Variants in TTC16 observed in about 807,000 individuals in gnomAD.
TTC16 encodes the protein tetratricopeptide repeat domain 16.
A neutral mutation model predicts 80.4 loss-of-function variants in TTC16; 66 were observed. The observed-to-expected ratio is 0.82, with a 90% CI of 0.67 to 1.01. The LOEUF (loss-of-function observed/expected upper bound fraction) is 1.01, where lower values mean the gene tolerates loss of function less well. TTC16 is among the 50% of genes least tolerant of loss of function. The pLI, the probability that TTC16 is intolerant of heterozygous loss-of-function variation, is 0.00. For synonymous variants in TTC16, 438 were observed against 451.3 expected (o/e 0.97, Z 0.37); for missense variants, 1,070 against 1,103.2 (o/e 0.97, Z 0.43).
rs1311682338 is a variant in TTC16, at chr9:127,717,422, C to T, written c.280C>T (p.Leu94=). The T allele has an allele frequency of 1.2e-6, 2 of 1,611,934 alleles. No homozygotes were observed. Among genetic ancestry groups the T allele is most frequent in the African/African-American group, 2.7e-5 (2 of 75,040 alleles). The change falls in exon 3 of 14, where the codon CTG becomes TTG. Residue 94 remains leucine (L), a splice_region_variant and synonymous_variant. Coordinates refer to ENST00000373289, the MANE Select transcript of TTC16 (RefSeq NM_144965.3). Reference sequence around the variant, plus strand: ...CCGCGCACTCCACCTGGACCCACAGCTGGTGAGAGGCAGACCTGGGTGGGC... The same window carrying T: ...CCGCGCACTCCACCTGGACCCACAGTTGGTGAGAGGCAGACCTGGGTGGGC... The part of the protein sequence containing the change: ...FSRALHLDPQ[L]VDFYALRAEA...
At position 127,731,225 on chromosome 9, in the gene TTC16, C is replaced by T. The variant is rs1844394802; in HGVS notation, c.2442C>T (p.Ser814=). 6.2e-7 allele frequency: 1 copy of T among 1,613,012 alleles called. No individual in the cohort carries two copies. The highest frequency in any genetic ancestry group is 1.3e-5 in the African/African-American group (1 of 74,932). ...AGGCTTTCTATGACTCAAACTGGAG[C>T]CTCAGCAAAACTGAGTATGCCCAAG... ...KTEAFYDSNW[S]LSKTEYAQGQ... is the part of the protein sequence containing the mutation. Residue 814 remains serine (S), a synonymous_variant, in exon 14 of 14, where the codon AGC becomes AGT. Transcript: ENST00000373289.
At chr9:127,720,464 A>G (rs1843362214) in intron 6 of TTC16, 69 bp downstream of exon 6, 1 of 1,592,302 alleles carries the variant, frequency 6.3e-7, no homozygotes, top group African/African-American at 1.3e-5. Context: ...CCAAGATTGC[A>G]GGAAGAGGCA....
chr9:127,726,542 C>T, intron 10 of TTC16, 138 bp downstream of exon 10: 2 of 1,058,892 alleles, frequency 1.9e-6, no homozygotes, highest in East Asian at 5.8e-5. Context: ...AATCCCAGCA[C>T]TTTGGGAGCC....
intron 13 of TTC16, chr9:127,730,324 G>A (rs902472462): frequency 5.4e-5 from 23 of 423,928 alleles, no homozygotes; most frequent in Non-Finnish European, 8.5e-5. Flanking sequence ...GCAGGAGGGT[G>A]CCAGGCGGGG....
chr9:127,720,981 CCTTT>C (rs1171729936), intron 6 of TTC16, among the ~76,000 whole-genome samples: 12 of 126,566 alleles, frequency 9.5e-5, no homozygotes. Flanking sequence ...CCTCCCTCTT[CCTTT>C]CTTTTTTCCT....
intron 13 of TTC16, 145 bp from the exon 14 acceptor site, chr9:127,730,491 G>C: frequency 7.9e-7 from 1 of 1,266,006 alleles, no homozygotes; most frequent in Non-Finnish European, 1.1e-6. Context: ...TGGGGGCTGG[G>C]CGGGGGTGAT....
intron 12 of TTC16, 26 bp downstream of exon 12, chr9:127,727,491 G>A (rs528052507): frequency 1.4e-5 from 21 of 1,550,202 alleles, no homozygotes; most frequent in African/African-American, 9.6e-5. Flanking sequence ...GCCAGGGCTC[G>A]GAGCCCTTGG....
chr9:127,720,447 G>A, intron 6 of TTC16, 52 bp downstream of exon 6: 2 of 1,605,244 alleles, frequency 1.2e-6, no homozygotes, highest in Non-Finnish European at 1.7e-6. Context: ...GGAGTCCTCA[G>A]TGTGCCCCAA....
rs762223288 is a variant in TTC16 at position 127,730,742 on chromosome 9, G to A, written c.1959G>A (p.Thr653=). The change falls in exon 14 of 14, where the codon ACG becomes ACA. Residue 653 remains threonine (T), a synonymous_variant. Coordinates refer to ENST00000373289, the MANE Select transcript of TTC16 (RefSeq NM_144965.3). ...VTFSDSSLLK[T]QSSDSGNNRE... ...TCTCTGACTCGTCACTGTTGAAGAC[G>A]CAATCCTCGGACTCTGGGAACAACA... The A allele has an allele frequency of 4.3e-5, 69 of 1,613,630 alleles. No homozygotes were observed. Among genetic ancestry groups the A allele is most frequent in the Non-Finnish European group, 5.3e-5 (62 of 1,180,038 alleles).
At chr9:127,720,531 T>C in intron 6 of TTC16, 136 bp downstream of exon 6, 1 of 1,171,466 alleles carries the variant, frequency 8.5e-7, no homozygotes, top group Non-Finnish European at 1.2e-6. Flanking sequence ...CTGTCCTCCC[T>C]GGGAAGAGGC....
chr9:127,727,278 A>AACGGC lies in TTC16; in HGVS notation c.1581_1585dup (p.Glu529GlyfsTer22). ...GGGGTATCGTTTGGCAGGATGCTTA[A>AACGGC]ACGGCACGAGTTGGAGCGCCAGAAG... is the stretch of plus-strand genomic sequence containing the variant. On this transcript the variant is annotated frameshift_variant, in exon 12 of 14. Transcript: ENST00000373289. LOFTEE classifies it high-confidence loss of function. 1 of 1,563,126 alleles carries AACGGC rather than the reference A, an allele frequency of 6.4e-7. No individual in the cohort carries two copies. Among genetic ancestry groups the AACGGC allele is most frequent in the East Asian group, 2.3e-5 (1 of 44,222 alleles).
intron 7 of TTC16, among the ~76,000 whole-genome samples, chr9:127,723,630 G>A (rs1015716828): frequency 2.0e-5 from 3 of 152,216 alleles, no homozygotes; most frequent in African/African-American, 7.2e-5. Context: ...CTTGAGTCTG[G>A]TCCCAGGAAC....
At chr9:127,716,798 G>C (rs1391261848) in intron 1 of TTC16, 46 bp from the exon 2 acceptor site, 5 of 1,572,554 alleles carry the variant, frequency 3.2e-6, no homozygotes, top group Non-Finnish European at 4.3e-6. Context: ...CAGTGGGTGG[G>C]GGTCGTCTCG....
chr9:127,725,925 T>A (rs1224133763), intron 9 of TTC16, among the ~76,000 whole-genome samples: 4 of 152,172 alleles, frequency 2.6e-5, no homozygotes, highest in Non-Finnish European at 5.9e-5. Context: ...TGTGATATTT[T>A]TACTACTCAA....
chr9:127,720,052 G>C (rs771788278), intron 4 of TTC16, 26 bp from the exon 5 acceptor site: 4 of 1,610,552 alleles, frequency 2.5e-6, no homozygotes, highest in South Asian at 1.1e-5. Context: ...GTGGCAAGCA[G>C]AATTGACTGT....
intron 6 of TTC16, 103 bp from the exon 7 acceptor site, chr9:127,723,016 G>A: frequency 8.8e-7 from 1 of 1,136,698 alleles, no homozygotes; most frequent in Non-Finnish European, 1.3e-6. Flanking sequence ...GATGTGAGGG[G>A]CACGGAGGAG....
At position 127,724,810 on chromosome 9, in the gene TTC16, C is replaced by T; in HGVS notation, c.1172C>T (p.Ala391Val). ...LAFAEADYQQ[A>V]LALSPQDEGA... ...TTTGCCGAGGCGGACTACCAGCAGG[C>T]GCTGGCGCTGAGCCCTCAGGACGAG... Residue 391 changes from alanine (A) to valine (V), a missense_variant, in exon 9 of 14, where the codon GCG (alanine) becomes GTG (valine). By Grantham distance (64) the Ala-to-Val change is moderately conservative. Coordinates refer to ENST00000373289, the MANE Select transcript of TTC16 (RefSeq NM_144965.3). 1.2e-6 allele frequency: 2 copies of T among 1,609,338 alleles called. No homozygotes were observed. Among genetic ancestry groups the T allele is most frequent in the South Asian group, 1.1e-5 (1 of 90,468 alleles).
At chr9:127,721,314 G>A (rs568773306) in intron 6 of TTC16, among the ~76,000 whole-genome samples, 1 of 152,224 alleles carries the variant, frequency 6.6e-6, no homozygotes, top group South Asian at 2.1e-4. Flanking sequence ...AGGGTGGGGT[G>A]AGGTGGAGGG....
In TTC16 at chr9:127,720,334, A is replaced by T. The variant is rs199988634; in HGVS notation, c.596A>T (p.Gln199Leu). Reference sequence around the variant, plus strand: ...ACGCTCATCACCAACGAGCTGAAGCAGGACACCACCAACGCCGATGTCTAC... The same window carrying T: ...ACGCTCATCACCAACGAGCTGAAGCTGGACACCACCAACGCCGATGTCTAC... ...CLTLITNELK[Q>L]DTTNADVYIF... Residue 199 changes from glutamine to leucine, a missense_variant, in exon 6 of 14, where the codon CAG (glutamine) becomes CTG (leucine). By Grantham distance (113) the Gln-to-Leu change is moderately radical (BLOSUM62 -2). Coordinates refer to ENST00000373289, the MANE Select transcript of TTC16 (RefSeq NM_144965.3). The T allele has an allele frequency of 3.4e-4, 550 of 1,613,322 alleles. 3 individuals carry two copies. The highest frequency in any genetic ancestry group is 1.0e-3 in the South Asian group (95 of 91,080).
Sources: allele counts gnomAD v4.1 joint callset (sites outside exome capture counted in the v4.1 genomes callset), GRCh38; gene constraint gnomAD v4.1.1; transcripts MANE v1.5; gene names NCBI Gene and HGNC (gene_info 2026-07-23, HGNC 2026-07-21).